Variants in RPH3AL observed in about 807,000 individuals in gnomAD.
RPH3AL encodes the protein rab effector Noc2.
RPH3AL carries 38 observed loss-of-function variants against 43.1 expected under a neutral mutation model. The observed-to-expected ratio is 0.88, with a 90% CI of 0.68 to 1.15. RPH3AL has a LOEUF of 1.15. Among genes scored for constraint, RPH3AL ranks in the 50% most tolerant of loss-of-function variants. The pLI is 0.00. For missense variants in RPH3AL, 462 were observed against 423.2 expected, an observed-to-expected ratio of 1.09 and a Z score of -0.81; for synonymous variants, 189 against 176.3, an observed-to-expected ratio of 1.07 and a Z score of -0.57.
At chr17:273,038 G>A (rs914695644) in intron 6 of RPH3AL, among the ~76,000 whole-genome samples, 16 of 106,150 alleles carry the variant, frequency 1.5e-4, no homozygotes, top group African/African-American at 4.3e-4. Context: ...CCCCAGCGAG[G>A]GCGACGTCAG....
intron 7 of RPH3AL, among the ~76,000 whole-genome samples, chr17:238,105 C>T (rs190070957): frequency 8.6e-5 from 13 of 151,268 alleles, no homozygotes; most frequent in African/African-American, 2.7e-4. Flanking sequence ...CCACTGTACT[C>T]CACTCCAGCC....
In RPH3AL at chr17:346,444, T is replaced by C. The variant is rs550875620; in HGVS notation, c.-213+6268A>G. Among the ~76,000 whole-genome samples the C allele has an allele frequency of 5.2e-5, 7 of 134,864 alleles. 1 individual carries two copies. In the East Asian group the frequency reaches 9.5e-4, roughly 18 times the overall value. 88.5% of individuals were successfully genotyped at this position (134,864 alleles called of 152,430 possible). A position where few individuals can be genotyped will look rare whatever the true frequency, so the allele number is the denominator to read the frequency against. ...GGAAGGCAAGGAGGAGCAAGTCACGTCTTACATAAACGGCAGCAGGCAAAG... is the reference window on the plus strand; with the variant it reads ...GGAAGGCAAGGAGGAGCAAGTCACGCCTTACATAAACGGCAGCAGGCAAAG... On this transcript the variant is annotated intron_variant, in intron 1 of 9. Transcript: ENST00000331302.
intron 6 of RPH3AL, among the ~76,000 whole-genome samples, chr17:265,649 T>C (rs1162262250): frequency 6.6e-6 from 1 of 152,244 alleles, no homozygotes; most frequent in East Asian, 1.9e-4. Flanking sequence ...TTAGAATAAC[T>C]CTTTCCTCAT....
Position 302,618 on chromosome 17 carries a change from G to A in RPH3AL, c.351+16802C>T, listed in dbSNP as rs116145719. Among the ~76,000 whole-genome samples the A allele has an allele frequency of 7.0e-3, 1,063 of 152,302 alleles. 14 individuals are homozygous for A. Among genetic ancestry groups the A allele is most frequent in the African/African-American group, 0.024 (977 of 41,554 alleles). On this transcript the variant is annotated intron_variant, in intron 5 of 9. Transcript: ENST00000331302. ...CAGGATGGGAGGCGCCCGCCGTCGA[G>A]GGAGGGTGGATCCAGGCCCGGCCCT...
rs77710215 is a variant in RPH3AL, at chr17:319,366, C to A, written c.351+54G>T. On this transcript the variant is annotated intron_variant, in intron 5 of 9. Coordinates refer to ENST00000331302, the MANE Select transcript of RPH3AL (RefSeq NM_006987.4). ...GCCAGGATGCAAAGCCACAGCGCAG[C>A]GGGGCTGGTCCAGGCTGGGAAGCCA... is the stretch of plus-strand genomic sequence containing the variant. 9.4e-6 allele frequency: 15 copies of A among 1,588,554 alleles called. No homozygotes were observed. The Middle Eastern group carries it at 6.6e-4, about 70-fold the overall frequency.
At chr17:340,051 AAGAC>A (rs754198192) in intron 1 of RPH3AL, among the ~76,000 whole-genome samples, 2 of 151,922 alleles carry the variant, frequency 1.3e-5, no homozygotes, top group African/African-American at 2.4e-5. Context: ...GGCATTTTCA[AAGAC>A]AGCCCCTGCT....
At chr17:281,707 C>A (rs549045589) in intron 6 of RPH3AL, 61 bp downstream of exon 6, 4 of 794,754 alleles carry the variant, frequency 5.0e-6, no homozygotes, top group African/African-American at 1.7e-5. Context: ...GTCCACCCAT[C>A]CCCATCTGAG....
intron 1 of RPH3AL, among the ~76,000 whole-genome samples, chr17:351,202 C>T (rs1386020296): frequency 6.6e-6 from 1 of 152,174 alleles, no homozygotes; most frequent in African/African-American, 2.4e-5. Context: ...GTTGCTTGTC[C>T]TTGGCTATGG....
intron 7 of RPH3AL, among the ~76,000 whole-genome samples, chr17:231,834 C>T (rs932267945): frequency 1.5e-4 from 23 of 152,266 alleles, no homozygotes; most frequent in Admixed American, 1.0e-3. Context: ...AAATTAGAGG[C>T]GACAGCCATG....
At chr17:243,489 C>T (rs1359078428) in intron 7 of RPH3AL, among the ~76,000 whole-genome samples, 10 of 126,162 alleles carry the variant, frequency 7.9e-5, no homozygotes, top group South Asian at 2.8e-4. Context: ...CCTCTATTGA[C>T]TACCTTCCTC....
intron 2 of RPH3AL, chr17:331,404 G>A (rs1022394734): frequency 1.4e-4 from 42 of 304,326 alleles, no homozygotes; most frequent in Non-Finnish European, 2.4e-4. Flanking sequence ...GGCTGACCAC[G>A]TTCACAGGGG....
intron 5 of RPH3AL, among the ~76,000 whole-genome samples, chr17:300,689 C>A (rs58337555): frequency 2.2e-5 from 3 of 133,628 alleles, no homozygotes; most frequent in African/African-American, 3.0e-5. Flanking sequence ...CCCGCTCTAG[C>A]AGGGGCTGGC....
At chr17:330,439 C>T (rs1278795973) in intron 2 of RPH3AL, among the ~76,000 whole-genome samples, 1 of 152,244 alleles carries the variant, frequency 6.6e-6, no homozygotes. Context: ...TGATACCGTC[C>T]TCAAACAACT....
At chr17:249,154 G>A (rs1427938070) in intron 6 of RPH3AL, among the ~76,000 whole-genome samples, 1 of 152,138 alleles carries the variant, frequency 6.6e-6, no homozygotes, top group East Asian at 1.9e-4. Context: ...CTTTTCTGAT[G>A]AAGGAAATAA....
At chr17:240,523 G>A (rs9912863) in intron 7 of RPH3AL, among the ~76,000 whole-genome samples, 1 of 151,820 alleles carries the variant, frequency 6.6e-6, no homozygotes, top group African/African-American at 2.4e-5. Flanking sequence ...TGTTCCCACC[G>A]GCTCATATAG....
Position 274,794 on chromosome 17 carries a change from T to C in RPH3AL, c.438+6974A>G, listed in dbSNP as rs1310147447. ...AGCGGGGAGGGGAAAACCTCCAAAG[T>C]GTTTAGTGCAGGTGAATGTGGCATG... On this transcript the variant is annotated intron_variant, in intron 6 of 9. Coordinates refer to ENST00000331302, the MANE Select transcript of RPH3AL (RefSeq NM_006987.4). The surrounding 1 kb of genome is among the most constrained non-coding windows in gnomAD (Gnocchi z 4.7). Among the ~76,000 whole-genome samples the C allele has an allele frequency of 6.6e-6, 1 of 152,086 alleles. No homozygotes were observed. Among genetic ancestry groups the C allele is most frequent in the African/African-American group, 2.4e-5 (1 of 41,392 alleles).
chr17:331,074 C>CGAGGG (rs1555527291), intron 2 of RPH3AL: 9 of 95,358 alleles, frequency 9.4e-5, no homozygotes, highest in Non-Finnish European at 2.2e-4. Context: ...GCGAGGGAGG[C>CGAGGG]AAGCGAGGGA....
intron 5 of RPH3AL, among the ~76,000 whole-genome samples, chr17:310,030 C>T (rs2043604131): frequency 6.6e-6 from 1 of 152,052 alleles, no homozygotes; most frequent in Admixed American, 6.5e-5. Flanking sequence ...CTGTGGGACA[C>T]CTTTGGCTGA....
chr17:241,482 T>A (rs1410970095), intron 7 of RPH3AL, among the ~76,000 whole-genome samples: 1 of 152,206 alleles, frequency 6.6e-6, no homozygotes, highest in Non-Finnish European at 1.5e-5. Flanking sequence ...TTGTGAGATT[T>A]TACTCAGCCA....
Sources: allele counts gnomAD v4.1 joint callset (sites outside exome capture counted in the v4.1 genomes callset), GRCh38; gene constraint gnomAD v4.1.1; non-coding constraint Gnocchi (gnomAD v3.1); transcripts MANE v1.5; gene names NCBI Gene and HGNC (gene_info 2026-07-23, HGNC 2026-07-21).